Variants in NAT9 observed in about 807,000 individuals in gnomAD.
The protein encoded by NAT9 is alpha/beta-tubulin-N-acetyltransferase 9.
Under a neutral mutation model 24.0 loss-of-function variants are expected in NAT9, and 18 were observed. The observed-to-expected ratio is 0.75, with a 90% CI of 0.52 to 1.11. The LOEUF is 1.11. NAT9 is among the 50% of genes most tolerant of loss of function. NAT9 has a pLI of 0.00. For synonymous variants in NAT9, 104 were observed against 102.3 expected (o/e 1.02, Z -0.10); for missense variants, 254 against 258.6 (o/e 0.98, Z 0.12).
chr17:74,773,148 G>T, intron 3 of NAT9, 109 bp from the exon 4 acceptor site: 1 of 1,339,724 alleles, frequency 7.5e-7, no homozygotes, highest in Non-Finnish European at 1.0e-6. Context: ...CTCTGAGTCT[G>T]CCAGGAGAAG....
chr17:74,772,323 C>A, intron 4 of NAT9, 46 bp from the exon 5 acceptor site: 1 of 1,607,220 alleles, frequency 6.2e-7, no homozygotes. Context: ...TGCCAGGCTC[C>A]AGTGCGGGCA....
At position 74,772,890 on chromosome 17, in the gene NAT9, AC is replaced by A; in HGVS notation, c.334+5del. 5.6e-6 allele frequency: 9 copies of A among 1,614,058 alleles called. No individual in the cohort carries two copies. The highest frequency in any genetic ancestry group is 7.6e-6 in the Non-Finnish European group (9 of 1,179,988). On this transcript the variant is annotated splice_donor_5th_base_variant and intron_variant, in intron 4 of 6. Coordinates refer to ENST00000357814, the MANE Select transcript of NAT9 (RefSeq NM_015654.5). ...TCAGCGGAAGGCAGGGCTAGGTGAA[AC>A]AAACCTGCAATCATGACCTCGATCT...
At chr17:74,775,947 C>G (rs1407399147) in intron 1 of NAT9, 1 of 444,766 alleles carries the variant, frequency 2.2e-6, no homozygotes, top group East Asian at 3.6e-5. Context: ...TCTGCCGGTT[C>G]CTTCCGTCCA....
Position 74,772,232 on chromosome 17 carries a change from G to T in NAT9, c.380C>A (p.Ala127Glu). 7 of 1,614,214 alleles carry T rather than the reference G, an allele frequency of 4.3e-6. No homozygotes were observed. The highest frequency in any genetic ancestry group is 3.3e-5 in the South Asian group (3 of 91,090). ...GKGLGTEAVL[A>E]MLSYGVTTLG... The stretch of plus-strand genomic sequence containing the variant: ...CACTTTCTTACCGTAAGACAGCATC[G>T]CGAGAACGGCCTCAGTGCCAAGGCC... The change falls in exon 5 of 7, where the codon GCG becomes GAG. Residue 127 changes from alanine (A) to glutamate (E), a missense_variant. Transcript: ENST00000357814.
At chr17:74,772,361 TCAA>T (rs755037189) in intron 4 of NAT9, 84 bp from the exon 5 acceptor site, 4 of 1,547,018 alleles carry the variant, frequency 2.6e-6, no homozygotes, top group Admixed American at 1.9e-5. Context: ...CATTTAATTC[TCAA>T]CAACTCTGAA....
intron 2 of NAT9, among the ~76,000 whole-genome samples, chr17:74,775,179 GT>G (rs1207142655): frequency 6.8e-6 from 1 of 147,638 alleles, no homozygotes; most frequent in Non-Finnish European, 1.5e-5. Context: ...GTTTGTTTTT[GT>G]TTTTTTGTTT....
rs769762442 is a variant in NAT9 at position 74,772,920 on chromosome 17, C to G, written c.310G>C (p.Gly104Arg). Reference protein sequence around the residue: ...FLTDLEDLTLGEIEVMIAEPS... With the variant: ...FLTDLEDLTLREIEVMIAEPS... ...CCTGCAATCATGACCTCGATCTCCC[C>G]CAAGGTGAGGTCTTCTAGATCTGTG... Residue 104 changes from glycine to arginine, a missense_variant, in exon 4 of 7, where the codon GGG (glycine) becomes CGG (arginine). Transcript: ENST00000357814. The G allele has an allele frequency of 1.9e-6, 3 of 1,614,156 alleles. No individual in the cohort carries two copies. Among genetic ancestry groups the G allele is most frequent in the East Asian group, 2.2e-5 (1 of 44,866 alleles).
chr17:74,774,841 C>T (rs1317200380), intron 2 of NAT9, among the ~76,000 whole-genome samples: 6 of 149,404 alleles, frequency 4.0e-5, no homozygotes, highest in South Asian at 2.1e-4. Context: ...TGAGCCACTG[C>T]GCCCAGCCTT....
rs781337986 is a variant in NAT9 at position 74,771,769 on chromosome 17, G to A, written c.579C>T (p.His193=). ...EHQWLLEQTS[H]VEEKPYRDGS... ...CATCTCTGTAAGGCTTCTCTTCCAC[G>A]TGGCTGGTCTGCTCCAGAAGCCACT... Residue 193 remains histidine, a synonymous_variant, in exon 7 of 7, where the codon CAC becomes CAT. Transcript: ENST00000357814. The A allele has an allele frequency of 9.3e-6, 15 of 1,613,930 alleles. No individual in the cohort carries two copies. Among genetic ancestry groups the A allele is most frequent in the South Asian group, 3.3e-5 (3 of 91,088 alleles).
At chr17:74,772,087 G>C in intron 5 of NAT9, 33 bp from the exon 6 acceptor site, 1 of 1,614,106 alleles carries the variant, frequency 6.2e-7, no homozygotes, top group Non-Finnish European at 8.5e-7. Context: ...GGCAAGTAAG[G>C]AGGCGCCTGC....
intron 2 of NAT9, among the ~76,000 whole-genome samples, chr17:74,774,551 C>CTTTT (rs34005401): frequency 9.2e-5 from 12 of 130,192 alleles, no homozygotes; most frequent in Admixed American, 1.6e-4. Flanking sequence ...AGGCTGGTCT[C>CTTTT]TTTTTTTTTT....
chr17:74,772,997 T>C lies in NAT9; in HGVS notation c.233A>G (p.Gln78Arg), dbSNP rs73995851. ...GCAGCTCTCTTCGGTGGCGCCTGGCTGGGCCTGCCACTTCTCGGCATCCAG... is the reference window on the plus strand; with the variant it reads ...GCAGCTCTCTTCGGTGGCGCCTGGCCGGGCCTGCCACTTCTCGGCATCCAG... The part of the protein sequence containing the change: ...IVLDAEKWQA[Q>R]PGATEESCMV... The change falls in exon 4 of 7, where the codon CAG (glutamine) becomes CGG (arginine). Residue 78 changes from glutamine to arginine, a missense_variant. Coordinates refer to ENST00000357814, the MANE Select transcript of NAT9 (RefSeq NM_015654.5). 6.8e-4 allele frequency: 1,102 copies of C among 1,613,636 alleles called. 3 individuals are homozygous for C. The African/African-American group carries it at 0.013, about 20-fold the overall frequency.
At chr17:74,772,431 A>C in intron 4 of NAT9, 154 bp from the exon 5 acceptor site, 1 of 1,418,612 alleles carries the variant, frequency 7.0e-7, no homozygotes, top group Non-Finnish European at 9.3e-7. Context: ...GAAGTGTGAA[A>C]GGCCTCACAG....
At chr17:74,771,879 A>G in intron 6 of NAT9, 21 bp from the exon 7 acceptor site, 1 of 1,614,220 alleles carries the variant, frequency 6.2e-7, no homozygotes, top group African/African-American at 1.3e-5. Flanking sequence ...CAGAGAGAAC[A>G]AAGCCTGCTA....
Position 74,773,621 on chromosome 17 carries a change from C to G in NAT9, c.145G>C (p.Glu49Gln), listed in dbSNP as rs1369257072. Residue 49 changes from glutamate (E) to glutamine (Q), a missense_variant, in exon 3 of 7, where the codon GAG becomes CAG. By Grantham distance (29) the Glu-to-Gln change is conservative (BLOSUM62 2). Transcript: ENST00000357814. ...CTGCACTGCATGGCATACTCCTGCT[C>G]CAGGGTCAGCGGCTCCGAGGCTGTC... ...RLTASEPLTL[E>Q]QEYAMQCSWQ... 1.2e-6 allele frequency: 2 copies of G among 1,613,992 alleles called. No homozygotes were observed. Among genetic ancestry groups the G allele is most frequent in the African/African-American group, 2.7e-5 (2 of 74,912 alleles).
In NAT9 at chr17:74,770,660, CCTTA is replaced by C. The variant is rs1567829736; in HGVS notation, c.*1060_*1063del. 1 of 152,232 alleles carries C rather than the reference CCTTA, an allele frequency of 6.6e-6. No individual in the cohort carries two copies. Among genetic ancestry groups the C allele is most frequent in the Admixed American group, 6.5e-5 (1 of 15,278 alleles). 9.4% of individuals were successfully genotyped at this position (152,232 alleles called of 1,614,324 possible). On this transcript the variant is annotated 3_prime_UTR_variant, in exon 7 of 7. Transcript: ENST00000357814. ...GTGCTGGGAGGCCTTAGGCAAGTCA[CCTTA>C]CTTATCTAAGACTGTTTCCCCACCT...
At chr17:74,775,915 G>A in intron 1 of NAT9, 1 of 478,716 alleles carries the variant, frequency 2.1e-6, no homozygotes, top group South Asian at 3.4e-5. Flanking sequence ...CCCACTCCAA[G>A]AGGCCAAGCC....
chr17:74,774,830 G>A (rs2035778801), intron 2 of NAT9, among the ~76,000 whole-genome samples: 4 of 151,840 alleles, frequency 2.6e-5, no homozygotes, highest in African/African-American at 4.8e-5. Flanking sequence ...GATTACAGGC[G>A]TGAGCCACTG....
At chr17:74,773,207 C>A (rs1038906155) in intron 3 of NAT9, 168 bp from the exon 4 acceptor site, 2 of 858,320 alleles carry the variant, frequency 2.3e-6, no homozygotes, top group Admixed American at 5.8e-5. Context: ...CCAAATCTGC[C>A]TCATACAGAA....
Sources: gnomAD v4.1 joint callset for allele counts (sites outside exome capture counted in the v4.1 genomes callset) on GRCh38, gnomAD v4.1.1 for gene constraint, MANE v1.5 for transcripts, NCBI Gene and HGNC (gene_info 2026-07-23, HGNC 2026-07-21) for gene names.